The following TMCO5A variants were observed in gnomAD, a reference collection of about 807,000 sequenced individuals.
TMCO5A encodes the protein transmembrane and coiled-coil domain-containing protein 5A.
Under a neutral mutation model 42.3 loss-of-function variants are expected in TMCO5A, and 34 were observed. That is an observed-to-expected ratio of 0.80 (90% CI 0.61 to 1.07). The LOEUF is 1.07. Among genes scored for constraint, TMCO5A ranks in the 50% least tolerant of loss-of-function variants. The pLI, the probability that TMCO5A is intolerant of heterozygous loss-of-function variation, is 0.00. For missense variants in TMCO5A, 357 were observed against 327.9 expected (o/e 1.09, Z -0.69); for synonymous variants, 131 against 115.6 (o/e 1.13, Z -0.86).
At chr15:37,962,523 G>A (rs541129422) in intron 11 of TMCO5A, among the ~76,000 whole-genome samples, 3 of 152,146 alleles carry the variant, frequency 2.0e-5, no homozygotes, top group African/African-American at 7.2e-5. Context: ...TCCTTTCCTG[G>A]TTTTGGTATT....
the TMCO5A span, among the ~76,000 whole-genome samples, chr15:38,008,030 G>C: frequency 6.6e-6 from 1 of 151,442 alleles, no homozygotes; most frequent in African/African-American, 2.4e-5. Flanking sequence ...CGGGTTGCTG[G>C]GACTACAGGC....
the TMCO5A span, among the ~76,000 whole-genome samples, chr15:38,010,405 AAGAG>A: frequency 9.2e-6 from 1 of 108,660 alleles, no homozygotes; most frequent in Non-Finnish European, 1.9e-5. Context: ...AAAAAAAAAA[AAGAG>A]GGAGGCAGAG....
intron 10 of TMCO5A, 57 bp from the exon 11 acceptor site, chr15:37,947,599 G>A (rs1890009720): frequency 4.5e-6 from 5 of 1,113,822 alleles, no homozygotes; most frequent in Non-Finnish European, 6.7e-6. Context: ...AATATTATTG[G>A]ATGATGATAA....
chr15:38,005,395 CAAAAAAA>C, the TMCO5A span, among the ~76,000 whole-genome samples: 71 of 44,036 alleles, frequency 1.6e-3, no homozygotes, highest in African/African-American at 5.0e-3. Context: ...CCATCTCTAC[CAAAAAAA>C]AAAAAAAAAA....
chr15:37,936,025 G>T (rs1469510909), intron 2 of TMCO5A: 4 of 232,326 alleles, frequency 1.7e-5, no homozygotes, highest in Admixed American at 5.6e-5. Context: ...CCAGCGCAAG[G>T]GGTTATTTAA....
At chr15:37,947,784 A>G in intron 11 of TMCO5A, 88 bp downstream of exon 11, 1 of 835,380 alleles carries the variant, frequency 1.2e-6, no homozygotes, top group Non-Finnish European at 2.0e-6. Context: ...AGACAAGGAG[A>G]GCCTTGTATA....
At chr15:37,971,267 G>C (rs929853233), downstream of TMCO5A, among the ~76,000 whole-genome samples, 2 of 152,182 alleles carry the variant, frequency 1.3e-5, no homozygotes, top group African/African-American at 4.8e-5. Context: ...AAGGCTTGGG[G>C]CTTCCACCCT....
At chr15:38,019,474 C>T in the TMCO5A span, among the ~76,000 whole-genome samples, 2 of 152,170 alleles carry the variant, frequency 1.3e-5, no homozygotes, top group Middle Eastern at 3.4e-3. Flanking sequence ...ATAGACTTTA[C>T]ATTTTAGAAC....
At chr15:38,008,663 C>A in the TMCO5A span, among the ~76,000 whole-genome samples, 1 of 152,184 alleles carries the variant, frequency 6.6e-6, no homozygotes, top group Admixed American at 6.5e-5. Flanking sequence ...TCATTCCACA[C>A]AGTGCCAGGC....
At chr15:38,022,286 T>G in the TMCO5A span, among the ~76,000 whole-genome samples, 2 of 152,292 alleles carry the variant, frequency 1.3e-5, no homozygotes, top group African/African-American at 4.8e-5. Flanking sequence ...GGATAAACTC[T>G]GGCACATCCA....
At chr15:37,990,103 T>A in the TMCO5A span, among the ~76,000 whole-genome samples, 3 of 152,124 alleles carry the variant, frequency 2.0e-5, no homozygotes, top group Non-Finnish European at 2.9e-5. Context: ...AATTCTGCTG[T>A]TGTTGAATAA....
chr15:37,949,556 T>G (rs934516887), intron 11 of TMCO5A, among the ~76,000 whole-genome samples: 2 of 151,956 alleles, frequency 1.3e-5, no homozygotes, highest in Non-Finnish European at 2.9e-5. Flanking sequence ...TAGCAAACTT[T>G]GGTATGTGAC....
chr15:38,002,823 G>A, the TMCO5A span, among the ~76,000 whole-genome samples: 3,210 of 152,158 alleles, frequency 0.021, 67 homozygotes, highest in Non-Finnish European at 0.03. Context: ...TGTCTGAAAG[G>A]TCACATATCT....
intron 10 of TMCO5A, 47 bp downstream of exon 10, chr15:37,943,445 T>G: frequency 6.3e-7 from 1 of 1,589,068 alleles, no homozygotes; most frequent in Non-Finnish European, 8.6e-7. Flanking sequence ...TCATTGCCTT[T>G]CAAAGCCATC....
chr15:37,964,405 G>A (rs528072908), intron 11 of TMCO5A, among the ~76,000 whole-genome samples: 96 of 152,182 alleles, frequency 6.3e-4, no homozygotes, highest in African/African-American at 2.0e-3. Flanking sequence ...GGTGTCTTCC[G>A]GGTCCTGCAG....
chr15:37,986,704 T>C, the TMCO5A span, among the ~76,000 whole-genome samples: 1 of 152,074 alleles, frequency 6.6e-6, no homozygotes, highest in Non-Finnish European at 1.5e-5. Context: ...TTACACAGTA[T>C]TGGTCTTTTC....
chr15:37,994,914 C>G, the TMCO5A span, among the ~76,000 whole-genome samples: 1 of 152,192 alleles, frequency 6.6e-6, no homozygotes, highest in Non-Finnish European at 1.5e-5. Context: ...ACGTCAGCAC[C>G]TCTTGATTTG....
downstream of TMCO5A, among the ~76,000 whole-genome samples, chr15:37,969,961 G>C (rs149253331): frequency 2.0e-5 from 3 of 152,236 alleles, no homozygotes; most frequent in Non-Finnish European, 2.9e-5. Flanking sequence ...CTTTGCTATT[G>C]TGAGTAGTGC....
chr15:37,964,804 G>A (rs1049242519), intron 11 of TMCO5A, among the ~76,000 whole-genome samples: 4 of 152,088 alleles, frequency 2.6e-5, no homozygotes, highest in Non-Finnish European at 5.9e-5. Flanking sequence ...TCATGGATTG[G>A]AAGAATTAAT....
Sources: allele counts gnomAD v4.1 joint callset (sites outside exome capture counted in the v4.1 genomes callset), GRCh38; gene constraint gnomAD v4.1.1; transcripts MANE v1.5; gene names NCBI Gene and HGNC (gene_info 2026-07-23, HGNC 2026-07-21).